SORL1: variants seen among roughly 807,000 people sequenced by gnomAD.
SORL1 encodes the protein sortilin-related receptor.
SORL1 carries 127 observed loss-of-function variants against 273.7 expected under a neutral mutation model. The ratio of observed to expected loss-of-function variants is 0.46; its 90% CI spans 0.40 to 0.54. The LOEUF (loss-of-function observed/expected upper bound fraction) is 0.54, where lower values mean the gene tolerates loss of function less well. Ranked by LOEUF, SORL1 falls within the 20% of genes least tolerant of loss-of-function variation. The probability of loss-of-function intolerance (pLI) is 0.00; values close to 1 mark genes in which losing one functional copy is unlikely to be tolerated. For missense variants in SORL1, 2,494 were observed against 2,846.1 expected, an observed-to-expected ratio of 0.88 and a Z score of 2.81; for synonymous variants, 1,031 against 1,067.4, an observed-to-expected ratio of 0.97 and a Z score of 0.66.
At chr11:121,466,383 A>T (rs930375749) in intron 1 of SORL1, among the ~76,000 whole-genome samples, 10 of 152,088 alleles carry the variant, frequency 6.6e-5, no homozygotes, top group Non-Finnish European at 1.5e-5. Context: ...ATCCTTGGGG[A>T]TGGATGGAAA....
chr11:121,615,029 T>G lies in SORL1; in HGVS notation c.5578T>G (p.Cys1860Gly), dbSNP rs747483225. The change falls in exon 41 of 48, where the codon TGT (cysteine) becomes GGT (glycine). Residue 1860 changes from cysteine to glycine, a missense_variant. Cys to Gly is a radical substitution (Grantham distance 159). Transcript: ENST00000260197. ...AKAINQTAVECTWTGPRNVVY... is the reference protein window; with the variant it reads ...AKAINQTAVEGTWTGPRNVVY... ...AGCCATCAACCAGACTGCAGTGGAA[T>G]GTACCTGGACCGGCCCCCGGAATGT... 6.2e-7 allele frequency: 1 copy of G among 1,610,138 alleles called. No homozygotes were observed. Among genetic ancestry groups the G allele is most frequent in the Non-Finnish European group, 8.5e-7 (1 of 1,178,380 alleles).
rs147730364 is a variant in SORL1, at chr11:121,497,123, G to A, written c.939+74G>A. On this transcript the variant is annotated intron_variant, in intron 6 of 47. Transcript: ENST00000260197. ...AAGTTTGGCATTCTGTGATTAAACA[G>A]GTGAGTTTGCATACACAGGAATTGG... 234 of 1,306,486 alleles carry A rather than the reference G, an allele frequency of 1.8e-4. 1 individual carries two copies. The African/African-American group carries it at 2.4e-3, about 13-fold the overall frequency. 80.9% of individuals were successfully genotyped at this position (1,306,486 alleles called of 1,614,324 possible).
intron 16 of SORL1, among the ~76,000 whole-genome samples, chr11:121,553,569 G>A (rs1321948853): frequency 1.3e-5 from 2 of 152,218 alleles, no homozygotes; most frequent in Non-Finnish European, 2.9e-5. Flanking sequence ...ATACAGTCAC[G>A]TGAGGAGGGA....
At chr11:121,465,034 A>G (rs1861062196) in intron 1 of SORL1, among the ~76,000 whole-genome samples, 1 of 152,232 alleles carries the variant, frequency 6.6e-6, no homozygotes, top group African/African-American at 2.4e-5. Context: ...ATTTCACATT[A>G]CATAAAATTA....
chr11:121,626,611 G>A (rs910935078), intron 46 of SORL1: 1 of 152,244 alleles, frequency 6.6e-6, no homozygotes, highest in African/African-American at 2.4e-5. Context: ...GAGCTTTCTA[G>A]TGAAGCAGAG....
At chr11:121,547,416 C>CAAAAA in intron 14 of SORL1, among the ~76,000 whole-genome samples, 1 of 7,326 alleles carries the variant, frequency 1.4e-4, no homozygotes, top group Non-Finnish European at 2.3e-4. Flanking sequence ...CCAACCCTCA[C>CAAAAA]CAAAAAAAAA....
At chr11:121,556,945 TC>T (rs1196566147) in intron 18 of SORL1, 1 of 214,246 alleles carries the variant, frequency 4.7e-6, no homozygotes, top group African/African-American at 2.3e-5. Context: ...GAGTGTGGAG[TC>T]ATCGATTGCC....
intron 18 of SORL1, 193 bp from the exon 19 acceptor site, chr11:121,557,121 C>T: frequency 1.7e-6 from 1 of 593,730 alleles, no homozygotes; most frequent in Admixed American, 2.9e-5. Flanking sequence ...TGAAAATTGT[C>T]CCATGAGTCA....
Position 121,577,376 on chromosome 11 carries a change from T to C in SORL1, c.3556T>C (p.Trp1186Arg). ...VCDGDNDCRD[W>R]SDEANCTAIY... The stretch of plus-strand genomic sequence containing the variant: ...TGACGGGGACAACGACTGCAGGGAC[T>C]GGTCTGATGAAGCCAACTGTACCGG... The change falls in exon 25 of 48, where the codon TGG becomes CGG. Residue 1186 changes from tryptophan to arginine, a missense_variant. Coordinates refer to ENST00000260197, the MANE Select transcript of SORL1 (RefSeq NM_003105.6). 3.1e-6 allele frequency: 5 copies of C among 1,611,692 alleles called. No homozygotes were observed. The highest frequency in any genetic ancestry group is 1.3e-5 in the African/African-American group (1 of 74,896).
chr11:121,608,434 C>G lies in SORL1; in HGVS notation c.5239+258C>G, dbSNP rs1863512187. The G allele has an allele frequency of 6.7e-6, 3 of 446,384 alleles. No homozygotes were observed. The South Asian group carries it at 1.1e-4, about 16-fold the overall frequency. The allele number at this position is 446,384 out of a possible 1,614,324, so 27.7% of individuals were successfully genotyped here. Reference sequence around the variant, plus strand: ...ATACAAAGGGATTTCCAAAGGCCATCATGCGCAGCCCTTTGTGAGTAGTCA... The same window carrying G: ...ATACAAAGGGATTTCCAAAGGCCATGATGCGCAGCCCTTTGTGAGTAGTCA... On this transcript the variant is annotated intron_variant, in intron 38 of 47. Coordinates refer to ENST00000260197, the MANE Select transcript of SORL1 (RefSeq NM_003105.6).
intron 2 of SORL1, 92 bp from the exon 3 acceptor site, chr11:121,478,026 C>G: frequency 5.4e-6 from 7 of 1,297,812 alleles, no homozygotes; most frequent in Non-Finnish European, 5.1e-6. Flanking sequence ...GAGTGAAACT[C>G]AGTCTCAAAA....
intron 21 of SORL1, among the ~76,000 whole-genome samples, chr11:121,566,558 A>T (rs1699108): frequency 0.42 from 64,102 of 151,848 alleles, 16,407 homozygotes; most frequent in Non-Finnish European, 0.59. Context: ...TTATCTGCAT[A>T]CCCAGAGTTT....
intron 6 of SORL1, among the ~76,000 whole-genome samples, chr11:121,509,710 C>T (rs1483879215): frequency 1.3e-5 from 2 of 152,076 alleles, no homozygotes; most frequent in Non-Finnish European, 1.5e-5. Context: ...CTCTTGACCT[C>T]GTGATCTGCC....
chr11:121,486,188 C>G lies in SORL1; in HGVS notation c.529-1844C>G, dbSNP rs139587609. Among the ~76,000 whole-genome samples, 655 of 152,320 alleles carry G rather than the reference C, an allele frequency of 4.3e-3. 9 individuals are homozygous for G. The highest frequency in any genetic ancestry group is 0.014 in the African/African-American group (598 of 41,570). On this transcript the variant is annotated intron_variant, in intron 3 of 47. Coordinates refer to ENST00000260197, the MANE Select transcript of SORL1 (RefSeq NM_003105.6). Reference sequence around the variant, plus strand: ...TGTCAATGACTGGCTGTGGGTAGAACTAGGTCCCTGTTGCTCTGGTTTCTG... The same window carrying G: ...TGTCAATGACTGGCTGTGGGTAGAAGTAGGTCCCTGTTGCTCTGGTTTCTG...
At position 121,627,535 on chromosome 11, in the gene SORL1, T is replaced by C; in HGVS notation, c.6365-20T>C. Reference sequence around the variant, plus strand: ...TCCTGCCCTCAGGTGGGCTTATTGGTGGGAACTTTGCCTTGGCAGGTGCAG... The same window carrying C: ...TCCTGCCCTCAGGTGGGCTTATTGGCGGGAACTTTGCCTTGGCAGGTGCAG... On this transcript the variant is annotated intron_variant, in intron 46 of 47. Coordinates refer to ENST00000260197, the MANE Select transcript of SORL1 (RefSeq NM_003105.6). The surrounding 1 kb of genome is among the most constrained non-coding windows in gnomAD (Gnocchi z 4.9). The C allele has an allele frequency of 6.2e-7, 1 of 1,610,484 alleles. No homozygotes were observed. Among genetic ancestry groups the C allele is most frequent in the Middle Eastern group, 1.6e-4 (1 of 6,062 alleles).
chr11:121,605,625 G>A (rs1863457896), intron 35 of SORL1, 54 bp downstream of exon 35: 2 of 1,448,120 alleles, frequency 1.4e-6, no homozygotes, highest in Non-Finnish European at 1.9e-6. Context: ...GTCGGGGTTT[G>A]TGAGGGTCTT....
Position 121,567,067 on chromosome 11 carries a change from C to T in SORL1, c.3177C>T (p.Asp1059=). 1 of 1,614,164 alleles carries T rather than the reference C, an allele frequency of 6.2e-7. No homozygotes were observed. Among genetic ancestry groups the T allele is most frequent in the Non-Finnish European group, 8.5e-7 (1 of 1,179,986 alleles). Reference sequence around the variant, plus strand: ...TTCCATCAGGGGACCTGATGTGTGACTGCCCTCAGGGCTATCAGCTCAAGA... The same window carrying T: ...TTCCATCAGGGGACCTGATGTGTGATTGCCCTCAGGGCTATCAGCTCAAGA... ...SVLPSGDLMC[D]CPQGYQLKNN... The change falls in exon 22 of 48, where the codon GAC becomes GAT. Residue 1059 remains aspartate (D), a synonymous_variant. Transcript: ENST00000260197.
Position 121,621,243 on chromosome 11 carries a change from G to A in SORL1, c.6064+5G>A, listed in dbSNP as rs1863719810. 2.5e-6 allele frequency: 4 copies of A among 1,613,238 alleles called. No individual in the cohort carries two copies. The highest frequency in any genetic ancestry group is 3.4e-6 in the Non-Finnish European group (4 of 1,179,518). ...CCAGCATAAAAATTACCACAGGTAA[G>A]CAGGAGAGAGGTTAGAGGTCTTCTC... On this transcript the variant is annotated splice_donor_5th_base_variant and intron_variant, in intron 44 of 47. Transcript: ENST00000260197.
At chr11:121,546,126 T>A (rs1363092994) in intron 14 of SORL1, among the ~76,000 whole-genome samples, 1 of 152,170 alleles carries the variant, frequency 6.6e-6, no homozygotes, top group Non-Finnish European at 1.5e-5. Context: ...CAGTCAGGTG[T>A]AGAGGCAGCA....
Sources: allele counts gnomAD v4.1 joint callset (sites outside exome capture counted in the v4.1 genomes callset), GRCh38; gene constraint gnomAD v4.1.1; non-coding constraint Gnocchi (gnomAD v3.1); transcripts MANE v1.5; gene names NCBI Gene and HGNC (gene_info 2026-07-23, HGNC 2026-07-21).